APBA1: variants seen among roughly 807,000 people sequenced by gnomAD.
APBA1 encodes the protein amyloid-beta A4 precursor protein-binding family A member 1.
Under a neutral mutation model 86.6 loss-of-function variants are expected in APBA1, and 55 were observed. The ratio of observed to expected loss-of-function variants is 0.64; its 90% CI spans 0.51 to 0.80. APBA1 has a LOEUF of 0.80. Among genes scored for constraint, APBA1 ranks in the 30% least tolerant of loss-of-function variants. The pLI is 0.00. For missense variants in APBA1, 1,090 were observed against 1,183.0 expected, an observed-to-expected ratio of 0.92 and a Z score of 1.15; for synonymous variants, 511 against 493.9, an observed-to-expected ratio of 1.03 and a Z score of -0.46.
intron 1 of APBA1, among the ~76,000 whole-genome samples, chr9:69,595,093 T>A (rs1484258446): frequency 3.9e-5 from 6 of 152,154 alleles, no homozygotes; most frequent in African/African-American, 7.2e-5. Flanking sequence ...CATGTATTGT[T>A]ACAGTTCACT....
chr9:69,439,046 T>C (rs1449037311), intron 11 of APBA1, among the ~76,000 whole-genome samples: 9 of 23,844 alleles, frequency 3.8e-4, no homozygotes, highest in Non-Finnish European at 7.8e-4. Context: ...TGAAGTTTAG[T>C]TTGGCTGGAT....
intron 11 of APBA1, among the ~76,000 whole-genome samples, chr9:69,433,292 G>T (rs1447523775): frequency 6.6e-6 from 1 of 152,198 alleles, no homozygotes; most frequent in Non-Finnish European, 1.5e-5. Context: ...TTGCAGGCGG[G>T]GCTGATGCGC....
chr9:69,647,693 C>G (rs1251390547), intron 1 of APBA1, among the ~76,000 whole-genome samples: 2 of 152,190 alleles, frequency 1.3e-5, no homozygotes, highest in South Asian at 4.1e-4. Flanking sequence ...TTAAAAGTTG[C>G]TTCCTTAGTG....
At chr9:69,591,080 C>T (rs796226944) in intron 1 of APBA1, among the ~76,000 whole-genome samples, 134 of 152,278 alleles carry the variant, frequency 8.8e-4, no homozygotes, top group African/African-American at 3.2e-3. Context: ...TGATGCTTCC[C>T]TCCTGAAGCA....
At chr9:69,663,141 T>C (rs1564106486) in intron 1 of APBA1, among the ~76,000 whole-genome samples, 1 of 152,244 alleles carries the variant, frequency 6.6e-6, no homozygotes, top group Non-Finnish European at 1.5e-5. Flanking sequence ...CAGAGATTAC[T>C]TCAGTGGGTT....
At chr9:69,526,406 GA>G (rs937932956) in intron 1 of APBA1, among the ~76,000 whole-genome samples, 1 of 151,882 alleles carries the variant, frequency 6.6e-6, no homozygotes, top group African/African-American at 2.4e-5. Context: ...TTAAAACGAG[GA>G]AAAGACATGA....
intron 3 of APBA1, among the ~76,000 whole-genome samples, chr9:69,473,703 A>C (rs980003370): frequency 1.3e-5 from 2 of 152,228 alleles, no homozygotes; most frequent in African/African-American, 2.4e-5. Flanking sequence ...AATTAAAAAA[A>C]AGATAAGTTT....
intron 1 of APBA1, among the ~76,000 whole-genome samples, chr9:69,609,677 TAG>T (rs1822544728): frequency 6.6e-6 from 1 of 152,192 alleles, no homozygotes; most frequent in Non-Finnish European, 1.5e-5. Flanking sequence ...GTGCAGCCCC[TAG>T]AATTGAGTGC....
At position 69,646,692 on chromosome 9, in the gene APBA1, G is replaced by A. The variant is rs1417794314; in HGVS notation, c.-70+25461C>T. Among the ~76,000 whole-genome samples, 9 of 152,248 alleles carry A rather than the reference G, an allele frequency of 5.9e-5. No homozygotes were observed. The East Asian group carries it at 1.7e-3, about 29-fold the overall frequency. On this transcript the variant is annotated intron_variant, in intron 1 of 12. Transcript: ENST00000265381. ...AGAACTGTCCCCCTGCACCAGGGCT[G>A]AGAGCATGAGTGACACTAATTCCAG...
intron 1 of APBA1, among the ~76,000 whole-genome samples, chr9:69,624,557 T>G (rs1417435360): frequency 6.6e-6 from 1 of 152,132 alleles, no homozygotes; most frequent in Non-Finnish European, 1.5e-5. Flanking sequence ...TTGGGTGAGG[T>G]GCCCAGCAGG....
intron 5 of APBA1, among the ~76,000 whole-genome samples, chr9:69,459,204 T>C (rs190610693): frequency 3.5e-4 from 54 of 152,402 alleles, no homozygotes; most frequent in Non-Finnish European, 1.5e-5. Flanking sequence ...CTTAGCTCTA[T>C]GGTCCAGCAC....
At chr9:69,459,046 C>T (rs1050628022) in intron 5 of APBA1, among the ~76,000 whole-genome samples, 1 of 152,162 alleles carries the variant, frequency 6.6e-6, no homozygotes, top group Admixed American at 6.5e-5. Flanking sequence ...TCAGGTGATC[C>T]ATCTGCCTCA....
At chr9:69,565,621 A>C (rs1379399174) in intron 1 of APBA1, among the ~76,000 whole-genome samples, 1 of 152,258 alleles carries the variant, frequency 6.6e-6, no homozygotes, top group East Asian at 1.9e-4. Context: ...TCCCATTTCC[A>C]CCATTTCAAA....
At chr9:69,633,248 G>A (rs906607374) in intron 1 of APBA1, among the ~76,000 whole-genome samples, 3 of 151,914 alleles carry the variant, frequency 2.0e-5, no homozygotes, top group African/African-American at 4.8e-5. Context: ...GTTGTTTTAT[G>A]TAGTCCTGAA....
At chr9:69,541,260 C>CCG (rs1554699104) in intron 1 of APBA1, among the ~76,000 whole-genome samples, 2 of 146,140 alleles carry the variant, frequency 1.4e-5, no homozygotes, top group South Asian at 2.3e-4. Flanking sequence ...GACCCCCCCC[C>CCG]CCATTCTGTT....
At chr9:69,473,075 A>G (rs1044218590) in intron 3 of APBA1, among the ~76,000 whole-genome samples, 1 of 152,334 alleles carries the variant, frequency 6.6e-6, no homozygotes, top group African/African-American at 2.4e-5. Context: ...TCTGCACACC[A>G]AAGTGGGTGG....
intron 1 of APBA1, among the ~76,000 whole-genome samples, chr9:69,621,664 G>A (rs532858635): frequency 6.7e-6 from 1 of 149,334 alleles, no homozygotes; most frequent in South Asian, 2.2e-4. Context: ...GCAGTTGTGG[G>A]ATCAAATAAA....
intron 1 of APBA1, among the ~76,000 whole-genome samples, chr9:69,568,006 T>A (rs897404341): frequency 4.6e-5 from 7 of 152,156 alleles, no homozygotes; most frequent in African/African-American, 1.7e-4. Flanking sequence ...TCCCAAAAAG[T>A]AGAGTCACAC....
intron 10 of APBA1, among the ~76,000 whole-genome samples, chr9:69,448,687 CA>C (rs1198542671): frequency 6.6e-6 from 1 of 152,110 alleles, no homozygotes; most frequent in Non-Finnish European, 1.5e-5. Context: ...CTCTCTCACA[CA>C]TGCACATACG....
Sources: gnomAD v4.1 joint callset for allele counts (sites outside exome capture counted in the v4.1 genomes callset) on GRCh38, gnomAD v4.1.1 for gene constraint, MANE v1.5 for transcripts, NCBI Gene and HGNC (gene_info 2026-07-23, HGNC 2026-07-21) for gene names.